PRELID2: variants seen among roughly 807,000 people sequenced by gnomAD.
PRELID2 encodes PRELI domain-containing protein 2.
A neutral mutation model predicts 28.4 loss-of-function variants in PRELID2; 25 were observed. That is an observed-to-expected ratio of 0.88 (90% CI 0.64 to 1.23). PRELID2 has a LOEUF of 1.23. Ranked by LOEUF, PRELID2 falls within the 50% of genes most tolerant of loss-of-function variation. PRELID2 has a pLI of 0.00. For missense variants in PRELID2, 201 were observed against 214.4 expected (o/e 0.94, Z 0.39); for synonymous variants, 76 against 71.6 (o/e 1.06, Z -0.31).
At chr5:145,749,916 A>G (rs1018779140) in intron 1 of PRELID2, among the ~76,000 whole-genome samples, 2 of 152,038 alleles carry the variant, frequency 1.3e-5, no homozygotes, top group Non-Finnish European at 2.9e-5. Context: ...TTGAACAATG[A>G]GAACACATGG....
chr5:145,383,076 G>A, the PRELID2 span, among the ~76,000 whole-genome samples: 1 of 151,310 alleles, frequency 6.6e-6, no homozygotes. Context: ...TAGACTCAAT[G>A]CAATTTCAAT....
chr5:145,471,713 T>C (rs554719373), downstream of PRELID2: 43 of 152,242 alleles, frequency 2.8e-4, no homozygotes, highest in Admixed American at 5.2e-4. Context: ...AAAAACTTAA[T>C]GATGCATATT....
At chr5:145,725,595 C>T (rs1024619842) in intron 1 of PRELID2, among the ~76,000 whole-genome samples, 2 of 152,170 alleles carry the variant, frequency 1.3e-5, no homozygotes, top group African/African-American at 2.4e-5. Flanking sequence ...GATTCTTAAA[C>T]GCTGGGAGGA....
chr5:145,751,140 T>G (rs1757112897), intron 1 of PRELID2, among the ~76,000 whole-genome samples: 1 of 152,228 alleles, frequency 6.6e-6, no homozygotes, highest in Non-Finnish European at 1.5e-5. Flanking sequence ...AATTTAATGT[T>G]TGATAAATGC....
the PRELID2 span, among the ~76,000 whole-genome samples, chr5:145,458,179 A>G: frequency 1.3e-5 from 2 of 152,280 alleles, no homozygotes; most frequent in East Asian, 3.9e-4. Context: ...AGATACAAAA[A>G]ATTTTCTAAT....
the PRELID2 span, among the ~76,000 whole-genome samples, chr5:145,461,597 C>T: frequency 6.6e-6 from 1 of 152,164 alleles, no homozygotes; most frequent in African/African-American, 2.4e-5. Context: ...CCATCGTGCC[C>T]GGCCTTAACT....
At chr5:145,692,266 G>A (rs750843295) in intron 1 of PRELID2, among the ~76,000 whole-genome samples, 18 of 152,044 alleles carry the variant, frequency 1.2e-4, no homozygotes, top group Non-Finnish European at 1.8e-4. Context: ...TAAACTGATC[G>A]TACTTGAATG....
intron 5 of PRELID2, among the ~76,000 whole-genome samples, chr5:145,786,926 CCTT>C (rs1186614099): frequency 6.6e-6 from 1 of 152,144 alleles, no homozygotes; most frequent in African/African-American, 2.4e-5. Context: ...CTAGGCCAGA[CCTT>C]CTTAAAAGCG....
chr5:145,715,320 A>C (rs1012413005), intron 1 of PRELID2, among the ~76,000 whole-genome samples: 5 of 152,120 alleles, frequency 3.3e-5, no homozygotes, highest in African/African-American at 1.2e-4. Context: ...AAATCTAGTT[A>C]ACTTGTCTTC....
At chr5:145,366,280 T>A in the PRELID2 span, among the ~76,000 whole-genome samples, 1 of 151,926 alleles carries the variant, frequency 6.6e-6, no homozygotes, top group East Asian at 1.9e-4. Context: ...ATGACACTAA[T>A]AGCTCCATAT....
At chr5:145,367,868 T>C in the PRELID2 span, among the ~76,000 whole-genome samples, 2 of 151,824 alleles carry the variant, frequency 1.3e-5, no homozygotes, top group African/African-American at 4.8e-5. Flanking sequence ...ACATCTTGAT[T>C]GCTTTATGAA....
intron 1 of PRELID2, among the ~76,000 whole-genome samples, chr5:145,828,630 T>C (rs1458443564): frequency 6.6e-6 from 1 of 152,114 alleles, no homozygotes; most frequent in Non-Finnish European, 1.5e-5. Context: ...TACTTGTTTT[T>C]AAAAAGACAA....
At chr5:145,396,234 T>C in the PRELID2 span, among the ~76,000 whole-genome samples, 1 of 152,144 alleles carries the variant, frequency 6.6e-6, no homozygotes, top group African/African-American at 2.4e-5. Flanking sequence ...TCTAATAAGC[T>C]ACTGGGACAT....
intron 5 of PRELID2, among the ~76,000 whole-genome samples, chr5:145,771,681 C>T (rs575403365): frequency 1.7e-4 from 26 of 152,016 alleles, no homozygotes; most frequent in African/African-American, 3.9e-4. Context: ...CATGGAGAAA[C>T]GCCATCTCTA....
intron 1 of PRELID2, among the ~76,000 whole-genome samples, chr5:145,577,486 A>T (rs1004998128): frequency 6.6e-6 from 1 of 152,138 alleles, no homozygotes; most frequent in East Asian, 1.9e-4. Flanking sequence ...GAGAAAATCA[A>T]TAGTAAAATA....
At chr5:145,322,427 G>A in the PRELID2 span, among the ~76,000 whole-genome samples, 1 of 152,048 alleles carries the variant, frequency 6.6e-6, no homozygotes, top group Non-Finnish European at 1.5e-5. Context: ...TAAAGCCCTC[G>A]TGGCTAAACA....
intron 5 of PRELID2, among the ~76,000 whole-genome samples, chr5:145,781,682 A>G (rs1319014902): frequency 6.8e-6 from 1 of 147,024 alleles, no homozygotes; most frequent in African/African-American, 2.5e-5. Context: ...ACACTTATAT[A>G]TATACACTAT....
chr5:145,798,569 C>T (rs774474021), intron 4 of PRELID2, among the ~76,000 whole-genome samples: 1 of 152,188 alleles, frequency 6.6e-6, no homozygotes, highest in Non-Finnish European at 1.5e-5. Flanking sequence ...AAGACATGTG[C>T]ACACATATGC....
intron 1 of PRELID2, among the ~76,000 whole-genome samples, chr5:145,726,204 C>T (rs868221737): frequency 1.0e-4 from 11 of 107,360 alleles, no homozygotes; most frequent in East Asian, 3.2e-4. Context: ...AAAGAAAGAG[C>T]GAAAGAGAGA....
Sources: gnomAD v4.1 joint callset for allele counts (sites outside exome capture counted in the v4.1 genomes callset) on GRCh38, gnomAD v4.1.1 for gene constraint, MANE v1.5 for transcripts, NCBI Gene and HGNC (gene_info 2026-07-23, HGNC 2026-07-21) for gene names.